ADAMTS17: variants seen among roughly 807,000 people sequenced by gnomAD.
ADAMTS17 encodes the protein A disintegrin and metalloproteinase with thrombospondin motifs 17.
ADAMTS17 carries 113 observed loss-of-function variants against 141.5 expected under a neutral mutation model. The ratio of observed to expected loss-of-function variants is 0.80; its 90% CI spans 0.69 to 0.93. ADAMTS17 has a LOEUF of 0.93. Ranked by LOEUF, ADAMTS17 falls within the 40% of genes least tolerant of loss-of-function variation. The pLI, the probability that ADAMTS17 is intolerant of heterozygous loss-of-function variation, is 0.00. For synonymous variants in ADAMTS17, 768 were observed against 630.6 expected, an observed-to-expected ratio of 1.22 and a Z score of -3.27; for missense variants, 1,659 against 1,517.9, an observed-to-expected ratio of 1.09 and a Z score of -1.54.
chr15:100,074,114 T>C (rs1385463524), intron 15 of ADAMTS17: 1 of 153,132 alleles, frequency 6.5e-6, no homozygotes, highest in Non-Finnish European at 1.5e-5. Flanking sequence ...CCCATCCAAG[T>C]ACTAACCAGA....
chr15:100,110,553 C>G (rs189695417), intron 13 of ADAMTS17, among the ~76,000 whole-genome samples: 4 of 151,896 alleles, frequency 2.6e-5, no homozygotes, highest in Non-Finnish European at 5.9e-5. Context: ...AGTGAGCCAC[C>G]GCGCCCCGCA....
At chr15:100,216,842 TTAAG>T (rs1327802493) in intron 7 of ADAMTS17, among the ~76,000 whole-genome samples, 9 of 152,316 alleles carry the variant, frequency 5.9e-5, no homozygotes, top group South Asian at 4.1e-4. Flanking sequence ...TTCATAATAA[TTAAG>T]TAACAATATT....
intron 3 of ADAMTS17, among the ~76,000 whole-genome samples, chr15:100,297,716 T>A (rs1362967778): frequency 1.3e-5 from 2 of 152,168 alleles, no homozygotes; most frequent in African/African-American, 2.4e-5. Context: ...GGCTGGCTGC[T>A]GGCTGTGCGG....
chr15:100,280,644 C>T (rs2044248360), intron 4 of ADAMTS17, among the ~76,000 whole-genome samples: 1 of 152,134 alleles, frequency 6.6e-6, no homozygotes, highest in South Asian at 2.1e-4. Flanking sequence ...ATGACTTGGT[C>T]CTTAAAAACA....
At chr15:100,125,312 T>G (rs1396020294) in intron 12 of ADAMTS17, among the ~76,000 whole-genome samples, 3 of 152,254 alleles carry the variant, frequency 2.0e-5, no homozygotes, top group Non-Finnish European at 4.4e-5. Flanking sequence ...AATACTTAAA[T>G]TTTTAAAAAT....
rs573783830 is a variant in ADAMTS17 at position 100,175,867 on chromosome 15, A to G, written c.1182-20547T>C. On this transcript the variant is annotated intron_variant, in intron 8 of 21. Transcript: ENST00000268070. ...CTTCCACACCCTCCAGTCCCAAGGCAGATTCATCATTCTCAATGTCACAGG... is the reference window on the plus strand; with the variant it reads ...CTTCCACACCCTCCAGTCCCAAGGCGGATTCATCATTCTCAATGTCACAGG... Among the ~76,000 whole-genome samples the G allele has an allele frequency of 1.4e-4, 22 of 152,042 alleles. No individual in the cohort carries two copies. In the South Asian group the frequency reaches 3.9e-3, roughly 27 times the overall value.
chr15:100,279,181 T>C (rs7495703), intron 4 of ADAMTS17, among the ~76,000 whole-genome samples: 102,395 of 151,976 alleles, frequency 0.67, 35,175 homozygotes, highest in East Asian at 0.95. Flanking sequence ...GGGCAAAGAG[T>C]CACCTGCAGA....
At chr15:100,255,478 A>T (rs1192567141) in intron 6 of ADAMTS17, among the ~76,000 whole-genome samples, 1 of 152,200 alleles carries the variant, frequency 6.6e-6, no homozygotes, top group Non-Finnish European at 1.5e-5. Flanking sequence ...CTTTTAGAAG[A>T]TGAAGCAATA....
At chr15:100,132,288 T>C (rs572193184) in intron 11 of ADAMTS17, 136 bp from the exon 12 acceptor site, 1 of 1,240,574 alleles carries the variant, frequency 8.1e-7, no homozygotes, top group African/African-American at 1.5e-5. Context: ...TTTCAGGGTT[T>C]GCACGTTTGC....
At chr15:100,040,328 C>G (rs2031133699) in intron 18 of ADAMTS17, among the ~76,000 whole-genome samples, 1 of 152,232 alleles carries the variant, frequency 6.6e-6, no homozygotes, top group South Asian at 2.1e-4. Context: ...CTTCCAGAAC[C>G]TGGAGAATAC....
chr15:100,001,960 G>C (rs539629243), intron 18 of ADAMTS17, among the ~76,000 whole-genome samples: 3 of 42,604 alleles, frequency 7.0e-5, no homozygotes, highest in Non-Finnish European at 1.7e-4. Context: ...CTTGGGGACA[G>C]AGCGAGACTC....
chr15:100,054,504 T>A (rs1184426882), intron 15 of ADAMTS17, among the ~76,000 whole-genome samples: 1 of 152,208 alleles, frequency 6.6e-6, no homozygotes, highest in Non-Finnish European at 1.5e-5. Flanking sequence ...TCAGTTCCCT[T>A]TCCTATTACC....
intron 4 of ADAMTS17, among the ~76,000 whole-genome samples, chr15:100,274,132 T>C (rs753936361): frequency 1.3e-4 from 20 of 152,208 alleles, no homozygotes; most frequent in Non-Finnish European, 2.4e-4. Flanking sequence ...CCATGTTCCC[T>C]TGAGGAAAAA....
chr15:100,119,031 G>C (rs1420741876), intron 12 of ADAMTS17, among the ~76,000 whole-genome samples: 1 of 117,876 alleles, frequency 8.5e-6, no homozygotes, highest in Non-Finnish European at 2.0e-5. Context: ...ATGAAAAGGG[G>C]ACATCTGGAG....
chr15:100,009,973 G>C (rs541859966), intron 18 of ADAMTS17, among the ~76,000 whole-genome samples: 218 of 152,288 alleles, frequency 1.4e-3, no homozygotes, highest in Non-Finnish European at 2.4e-3. Flanking sequence ...CCCATGTGTC[G>C]TGGGAGGGAC....
Position 100,341,917 on chromosome 15 carries a change from GCC to G in ADAMTS17, c.-20_-19del, listed in dbSNP as rs150933882. 1 of 1,548,762 alleles carries G rather than the reference GCC, an allele frequency of 6.5e-7. No homozygotes were observed. The highest frequency in any genetic ancestry group is 1.2e-5 in the South Asian group (1 of 84,008). On this transcript the variant is annotated 5_prime_UTR_variant, in exon 1 of 22. Coordinates refer to ENST00000268070, the MANE Select transcript of ADAMTS17 (RefSeq NM_139057.4). ...TCACACATGGTACCCGGGACCGGCA[GCC>G]CCCCCGGACCGTGGCGGCGAAGCAG...
intron 3 of ADAMTS17, 70 bp downstream of exon 3, chr15:100,330,819 A>G: frequency 6.3e-7 from 1 of 1,582,714 alleles, no homozygotes; most frequent in Non-Finnish European, 8.6e-7. Flanking sequence ...GCTTCAGTGC[A>G]CTTGGAGACA....
In ADAMTS17 at chr15:99,998,403, G is replaced by A. The variant is rs183625790; in HGVS notation, c.2592-814C>T. Among the ~76,000 whole-genome samples the A allele has an allele frequency of 7.0e-3, 1,064 of 152,270 alleles. 8 individuals carry two copies. Among genetic ancestry groups the A allele is most frequent in the African/African-American group, 0.024 (997 of 41,550 alleles). On this transcript the variant is annotated intron_variant, in intron 18 of 21. Coordinates refer to ENST00000268070, the MANE Select transcript of ADAMTS17 (RefSeq NM_139057.4). Reference sequence around the variant, plus strand: ...GGATCACTTGAGGTCAGGAGATCGAGACCAGCCTGGCCAACATGGTGAAAC... The same window carrying A: ...GGATCACTTGAGGTCAGGAGATCGAAACCAGCCTGGCCAACATGGTGAAAC...
In ADAMTS17 at chr15:100,331,055, C is replaced by T. The variant is rs1044491899; in HGVS notation, c.451-1G>A. On this transcript the variant is annotated splice_acceptor_variant, in intron 2 of 21. Transcript: ENST00000268070. LOFTEE classifies it high-confidence loss of function. ...CCTGCCCAAGCTGAATGAGGCCAACCTGTCCAGAAAGGAGAAGGAAACGCG... is the reference window on the plus strand; with the variant it reads ...CCTGCCCAAGCTGAATGAGGCCAACTTGTCCAGAAAGGAGAAGGAAACGCG... 3 of 1,614,194 alleles carry T rather than the reference C, an allele frequency of 1.9e-6. No homozygotes were observed. The highest frequency in any genetic ancestry group is 2.5e-6 in the Non-Finnish European group (3 of 1,180,040).
Sources: gnomAD v4.1 joint callset for allele counts (sites outside exome capture counted in the v4.1 genomes callset) on GRCh38, gnomAD v4.1.1 for gene constraint, MANE v1.5 for transcripts, NCBI Gene and HGNC (gene_info 2026-07-23, HGNC 2026-07-21) for gene names.